The following GPC5 variants were observed in gnomAD, a reference collection of about 807,000 sequenced individuals.
GPC5 encodes the protein glypican-5.
In GPC5, 47 loss-of-function variants were observed where a neutral mutation model predicts 53.9. That is an observed-to-expected ratio of 0.87 (90% confidence interval 0.69 to 1.11). GPC5 has a LOEUF of 1.11. Ranked by LOEUF, GPC5 falls within the 50% of genes most tolerant of loss-of-function variation. The pLI is 0.00. For missense variants in GPC5, 748 were observed against 713.1 expected (o/e 1.05, Z -0.56); for synonymous variants, 286 against 263.3 (o/e 1.09, Z -0.84).
intron 2 of GPC5, among the ~76,000 whole-genome samples, chr13:91,483,091 G>A (rs9523342): frequency 0.25 from 37,652 of 152,040 alleles, 6,326 homozygotes; most frequent in African/African-American, 0.48. Flanking sequence ...ACGTATATTT[G>A]TTATCCAGCA....
At chr13:92,065,628 A>G (rs1252308383) in intron 6 of GPC5, among the ~76,000 whole-genome samples, 1 of 152,116 alleles carries the variant, frequency 6.6e-6, no homozygotes, top group Non-Finnish European at 1.5e-5. Flanking sequence ...TTTGACTCCT[A>G]AAAGACTCAA....
chr13:92,480,540 A>G (rs1168688820), intron 7 of GPC5, among the ~76,000 whole-genome samples: 5 of 152,178 alleles, frequency 3.3e-5, no homozygotes, highest in Non-Finnish European at 7.3e-5. Context: ...CTAACAATAG[A>G]TCCATGGCAA....
chr13:92,519,426 GTC>G (rs1475589194), intron 7 of GPC5, among the ~76,000 whole-genome samples: 25 of 152,134 alleles, frequency 1.6e-4, no homozygotes, highest in African/African-American at 5.1e-4. Context: ...ATAACAAACT[GTC>G]TCTCAGACCA....
intron 3 of GPC5, among the ~76,000 whole-genome samples, chr13:91,698,921 G>A (rs916772393): frequency 9.9e-5 from 15 of 152,184 alleles, no homozygotes; most frequent in Middle Eastern, 3.4e-3. Context: ...AGTAAGACAC[G>A]CAGACACACA....
chr13:91,480,352 G>T (rs980539684), intron 2 of GPC5, among the ~76,000 whole-genome samples: 3 of 152,150 alleles, frequency 2.0e-5, no homozygotes, highest in African/African-American at 7.2e-5. Context: ...AAATTCCCCT[G>T]CTATGGGTTT....
In GPC5 at chr13:92,591,163, A is replaced by G. The variant is rs201945022; in HGVS notation, c.1562-275119A>G. Among the ~76,000 whole-genome samples the G allele has an allele frequency of 8.5e-5, 13 of 152,318 alleles. No homozygotes were observed. The East Asian group carries it at 2.5e-3, about 29-fold the overall frequency. ...GTTTAAATCAGTTCATCTCAGTTCAATCAGATACTTAAAACCATGCTTTTA... is the reference window on the plus strand; with the variant it reads ...GTTTAAATCAGTTCATCTCAGTTCAGTCAGATACTTAAAACCATGCTTTTA... On this transcript the variant is annotated intron_variant, in intron 7 of 7. Transcript: ENST00000377067.
At chr13:91,797,132 C>T (rs1465975800) in intron 5 of GPC5, among the ~76,000 whole-genome samples, 3 of 152,008 alleles carry the variant, frequency 2.0e-5, no homozygotes, top group African/African-American at 7.2e-5. Flanking sequence ...TAAAGAAAAA[C>T]TTCATACTAA....
chr13:92,621,044 C>A (rs1034534474), intron 7 of GPC5, among the ~76,000 whole-genome samples: 1 of 152,152 alleles, frequency 6.6e-6, no homozygotes, highest in African/African-American at 2.4e-5. Context: ...GTCTGGGAAA[C>A]CTACAGTGGG....
intron 2 of GPC5, among the ~76,000 whole-genome samples, chr13:91,643,274 G>A (rs1162308831): frequency 6.6e-6 from 1 of 152,130 alleles, no homozygotes; most frequent in Non-Finnish European, 1.5e-5. Context: ...AAAATCAATT[G>A]CATTTCCATT....
chr13:92,067,458 G>A (rs1209296424), intron 6 of GPC5, among the ~76,000 whole-genome samples: 1 of 151,986 alleles, frequency 6.6e-6, no homozygotes, highest in Non-Finnish European at 1.5e-5. Context: ...TTTAGGATCA[G>A]AGAATTTCAA....
intron 7 of GPC5, among the ~76,000 whole-genome samples, chr13:92,697,199 A>G (rs550606563): frequency 2.1e-4 from 32 of 152,218 alleles, no homozygotes; most frequent in African/African-American, 7.7e-4. Flanking sequence ...TTGGTTCCAT[A>G]TGAAATTTAA....
At chr13:92,574,564 T>C (rs2139044943) in intron 7 of GPC5, among the ~76,000 whole-genome samples, 1 of 152,324 alleles carries the variant, frequency 6.6e-6, no homozygotes, top group South Asian at 2.1e-4. Context: ...TTCCTGATGA[T>C]CTTTGATTCT....
chr13:92,035,417 C>T (rs2040885252), intron 6 of GPC5, among the ~76,000 whole-genome samples: 2 of 152,094 alleles, frequency 1.3e-5, no homozygotes, highest in Non-Finnish European at 2.9e-5. Context: ...TGCTTTTACA[C>T]ACAGGGTGCT....
chr13:92,425,548 G>C (rs1876794141), intron 7 of GPC5, among the ~76,000 whole-genome samples: 1 of 152,076 alleles, frequency 6.6e-6, no homozygotes, highest in African/African-American at 2.4e-5. Flanking sequence ...CAACTAAGGA[G>C]TGGCTGTCCA....
intron 7 of GPC5, among the ~76,000 whole-genome samples, chr13:92,541,018 C>A (rs915409683): frequency 4.0e-5 from 6 of 151,658 alleles, no homozygotes; most frequent in African/African-American, 1.5e-4. Context: ...TTGGATATAA[C>A]AGGTGAAGAT....
intron 2 of GPC5, among the ~76,000 whole-genome samples, chr13:91,548,044 C>A (rs2030399202): frequency 6.6e-6 from 1 of 152,092 alleles, no homozygotes; most frequent in Admixed American, 6.6e-5. Flanking sequence ...GCTTTCCTAG[C>A]AAGATCAGGA....
intron 7 of GPC5, among the ~76,000 whole-genome samples, chr13:92,635,186 T>C (rs1014700503): frequency 1.3e-5 from 2 of 152,186 alleles, no homozygotes; most frequent in Admixed American, 1.3e-4. Flanking sequence ...TATGTGTATA[T>C]ACTTATCTTT....
At chr13:92,285,199 A>C (rs960531080) in intron 7 of GPC5, among the ~76,000 whole-genome samples, 17 of 152,290 alleles carry the variant, frequency 1.1e-4, no homozygotes, top group South Asian at 4.1e-4. Flanking sequence ...TGAAGGACCT[A>C]TTCAAGGAGG....
At chr13:92,128,515 A>T (rs1457260967) in intron 6 of GPC5, among the ~76,000 whole-genome samples, 1 of 152,226 alleles carries the variant, frequency 6.6e-6, no homozygotes, top group Non-Finnish European at 1.5e-5. Context: ...TAGTTTCTCA[A>T]TAACATATCT....
Sources: gnomAD v4.1 joint callset for allele counts (sites outside exome capture counted in the v4.1 genomes callset) on GRCh38, gnomAD v4.1.1 for gene constraint, MANE v1.5 for transcripts, NCBI Gene and HGNC (gene_info 2026-07-23, HGNC 2026-07-21) for gene names.